BMPER: variants seen among roughly 807,000 people sequenced by gnomAD.
BMPER encodes the protein BMP binding endothelial regulator.
A neutral mutation model predicts 87.3 loss-of-function variants in BMPER; 45 were observed. The observed-to-expected ratio is 0.52, with a 90% CI of 0.41 to 0.66. BMPER has a LOEUF of 0.66. Among genes scored for constraint, BMPER ranks in the 30% least tolerant of loss-of-function variants. The pLI, the probability that BMPER is intolerant of heterozygous loss-of-function variation, is 0.00. For missense variants in BMPER, 784 were observed against 867.5 expected, an observed-to-expected ratio of 0.90 and a Z score of 1.21; for synonymous variants, 326 against 316.2, an observed-to-expected ratio of 1.03 and a Z score of -0.33.
intron 3 of BMPER, among the ~76,000 whole-genome samples, chr7:33,964,865 T>G (rs941529909): frequency 1.3e-5 from 2 of 152,212 alleles, no homozygotes; most frequent in African/African-American, 4.8e-5. Context: ...CTGGCAGACT[T>G]GGCAGGCGTT....
chr7:33,905,794 T>A (rs776785241), intron 1 of BMPER, 48 bp downstream of exon 1: 1 of 1,195,280 alleles, frequency 8.4e-7, no homozygotes, highest in East Asian at 4.3e-5. Flanking sequence ...GCCGGTTTGG[T>A]ACCTGGGAAA....
At chr7:34,141,439 G>T (rs1164847514) in intron 13 of BMPER, among the ~76,000 whole-genome samples, 1 of 151,806 alleles carries the variant, frequency 6.6e-6, no homozygotes, top group African/African-American at 2.4e-5. Flanking sequence ...GTGAAACCCT[G>T]TCTATACCAA....
intron 6 of BMPER, among the ~76,000 whole-genome samples, chr7:34,041,326 A>G (rs930224352): frequency 6.6e-6 from 1 of 152,138 alleles, no homozygotes; most frequent in Non-Finnish European, 1.5e-5. Flanking sequence ...GGCACAACCC[A>G]GGCTTGTCAC....
chr7:34,041,448 T>C (rs892509709), intron 6 of BMPER, among the ~76,000 whole-genome samples: 7 of 152,156 alleles, frequency 4.6e-5, no homozygotes, highest in Non-Finnish European at 8.8e-5. Context: ...ATTAGACTAT[T>C]CTTTGCAGAC....
chr7:34,026,759 G>A (rs1337794837), intron 6 of BMPER, among the ~76,000 whole-genome samples: 3 of 152,086 alleles, frequency 2.0e-5, no homozygotes, highest in Non-Finnish European at 4.4e-5. Flanking sequence ...TTCTTTCTCA[G>A]CCTTGCCTCT....
intron 11 of BMPER, among the ~76,000 whole-genome samples, chr7:34,066,961 T>C (rs1788609282): frequency 6.6e-6 from 1 of 152,170 alleles, no homozygotes; most frequent in South Asian, 2.1e-4. Flanking sequence ...GCCCAGTCCC[T>C]GGTGGTTCAT....
intron 13 of BMPER, among the ~76,000 whole-genome samples, chr7:34,089,314 A>AT (rs929524170): frequency 5.3e-5 from 8 of 152,132 alleles, no homozygotes; most frequent in Admixed American, 1.3e-4. Flanking sequence ...CAAATAGAGT[A>AT]TTTTTTCTGA....
chr7:34,085,727 G>A, intron 12 of BMPER, 29 bp from the exon 13 acceptor site: 1 of 1,575,540 alleles, frequency 6.3e-7, no homozygotes, highest in Non-Finnish European at 8.7e-7. Flanking sequence ...ATGAGTGATT[G>A]ATTTCCTTTT....
intron 6 of BMPER, among the ~76,000 whole-genome samples, chr7:34,043,995 G>A (rs961701110): frequency 2.0e-5 from 3 of 152,240 alleles, no homozygotes; most frequent in Non-Finnish European, 4.4e-5. Context: ...GAAGCAGGTT[G>A]TGAGCTGCAA....
At chr7:34,093,573 G>C (rs992827623) in intron 13 of BMPER, among the ~76,000 whole-genome samples, 1 of 152,212 alleles carries the variant, frequency 6.6e-6, no homozygotes, top group Non-Finnish European at 1.5e-5. Context: ...CAGAGGGCAA[G>C]ACCAGACTCT....
At chr7:34,010,133 G>C (rs1031447953) in intron 6 of BMPER, among the ~76,000 whole-genome samples, 1 of 151,878 alleles carries the variant, frequency 6.6e-6, no homozygotes, top group Non-Finnish European at 1.5e-5. Context: ...CCAGGACTCA[G>C]AACATGGGAT....
chr7:33,975,202 G>A (rs185544303), intron 6 of BMPER, among the ~76,000 whole-genome samples: 31 of 152,264 alleles, frequency 2.0e-4, no homozygotes, highest in African/African-American at 7.2e-4. Context: ...GGAAAGCATG[G>A]ATTTTCTGTT....
At position 33,974,759 on chromosome 7, in the gene BMPER, G is replaced by C; in HGVS notation, c.551G>C (p.Ser184Thr). 1 of 1,614,098 alleles carries C rather than the reference G, an allele frequency of 6.2e-7. No individual in the cohort carries two copies. Among genetic ancestry groups the C allele is most frequent in the African/African-American group, 1.3e-5 (1 of 75,036 alleles). The stretch of plus-strand genomic sequence containing the variant: ...GGGGAGGAATTTCAGCCAGAAGGAA[G>C]CAAATGTACCAAGTGTTCCTGCACT... Reference protein sequence around the residue: ...QEGEEFQPEGSKCTKCSCTGG... With the variant: ...QEGEEFQPEGTKCTKCSCTGG... Residue 184 changes from serine to threonine, a missense_variant, in exon 6 of 15, where the codon AGC becomes ACC. By Grantham distance (58) the Ser-to-Thr change is moderately conservative. Transcript: ENST00000649409.
rs1437248991 is a variant in BMPER, at chr7:34,154,099, T to C, written c.*826T>C. 1 of 152,664 alleles carries C rather than the reference T, an allele frequency of 6.6e-6. No individual in the cohort carries two copies. Among genetic ancestry groups the C allele is most frequent in the Non-Finnish European group, 1.5e-5 (1 of 68,042 alleles). 9.5% of individuals were successfully genotyped at this position (152,664 alleles called of 1,614,324 possible). A position where few individuals can be genotyped will look rare whatever the true frequency, so the allele number is the denominator to read the frequency against. Reference sequence around the variant, plus strand: ...GAAGAAACTGTTGCACAACATATGATGAAATTTTGATTTCTCTGAATCTCA... The same window carrying C: ...GAAGAAACTGTTGCACAACATATGACGAAATTTTGATTTCTCTGAATCTCA... On this transcript the variant is annotated 3_prime_UTR_variant, in exon 15 of 15. Coordinates refer to ENST00000649409, the MANE Select transcript of BMPER (RefSeq NM_001365308.1).
At chr7:34,107,804 T>A (rs1180706342) in intron 13 of BMPER, among the ~76,000 whole-genome samples, 1 of 152,158 alleles carries the variant, frequency 6.6e-6, no homozygotes, top group African/African-American at 2.4e-5. Flanking sequence ...AGGTCTGGTG[T>A]AAGGGCTAAA....
chr7:34,129,474 G>A (rs1790491773), intron 13 of BMPER, among the ~76,000 whole-genome samples: 1 of 151,254 alleles, frequency 6.6e-6, no homozygotes, highest in Admixed American at 6.6e-5. Flanking sequence ...GACTCCAGAG[G>A]TTGCAGTGAG....
At chr7:34,144,392 C>T (rs891454591) in intron 14 of BMPER, among the ~76,000 whole-genome samples, 22 of 150,554 alleles carry the variant, frequency 1.5e-4, no homozygotes, top group Non-Finnish European at 2.9e-4. Flanking sequence ...AAGTGGAAGC[C>T]TCTGATAGCT....
intron 2 of BMPER, among the ~76,000 whole-genome samples, chr7:33,933,306 T>C (rs1454611551): frequency 6.6e-6 from 1 of 152,142 alleles, no homozygotes; most frequent in Non-Finnish European, 1.5e-5. Context: ...ACTATCTTCC[T>C]GAAAGAAGGC....
At chr7:34,050,727 A>G (rs1788127078) in intron 7 of BMPER, among the ~76,000 whole-genome samples, 1 of 152,206 alleles carries the variant, frequency 6.6e-6, no homozygotes, top group African/African-American at 2.4e-5. Context: ...ATGTGCTTCA[A>G]AGAGTAGAAA....
Sources: gnomAD v4.1 joint callset for allele counts (sites outside exome capture counted in the v4.1 genomes callset) on GRCh38, gnomAD v4.1.1 for gene constraint, MANE v1.5 for transcripts, NCBI Gene and HGNC (gene_info 2026-07-23, HGNC 2026-07-21) for gene names.